RC3H2: variants seen among roughly 807,000 people sequenced by gnomAD.
RC3H2 encodes ring finger and CCCH-type domains 2, also known as roquin-2.
Under a neutral mutation model 133.3 loss-of-function variants are expected in RC3H2, and 31 were observed. That is an observed-to-expected ratio of 0.23 (90% CI 0.17 to 0.31). The LOEUF is 0.31. Ranked by LOEUF, RC3H2 falls within the 10% of genes least tolerant of loss-of-function variation. RC3H2 has a pLI of 1.00. For missense variants in RC3H2, 1,175 were observed against 1,437.2 expected (o/e 0.82, Z 2.95); for synonymous variants, 517 against 502.2 (o/e 1.03, Z -0.40).
At chr9:122,887,464 T>C (rs1195772726) in intron 4 of RC3H2, among the ~76,000 whole-genome samples, 1 of 151,986 alleles carries the variant, frequency 6.6e-6, no homozygotes, top group Non-Finnish European at 1.5e-5. Flanking sequence ...GATTATAAGC[T>C]TTTTTGCTTC....
intron 4 of RC3H2, among the ~76,000 whole-genome samples, chr9:122,884,958 A>T (rs1831843758): frequency 6.6e-6 from 1 of 152,216 alleles, no homozygotes; most frequent in South Asian, 2.1e-4. Context: ...TCCAGAATAA[A>T]GACGACTAAA....
Position 122,851,382 on chromosome 9 carries a change from C to T in RC3H2, c.3172G>A (p.Glu1058Lys), listed in dbSNP as rs1302412027. 5.6e-6 allele frequency: 9 copies of T among 1,614,174 alleles called. No individual in the cohort carries two copies. Among genetic ancestry groups the T allele is most frequent in the South Asian group, 2.2e-5 (2 of 91,080 alleles). The change falls in exon 19 of 21, where the codon GAG becomes AAG. Residue 1058 changes from glutamate to lysine, a missense_variant. Glu to Lys is a moderately conservative substitution (Grantham distance 56). This residue lies in a region of RC3H2 where 220 missense variants were observed against 201.1 expected (regional missense o/e 1.09). Transcript: ENST00000357244. The stretch of plus-strand genomic sequence containing the variant: ...GTATCAAGTGCTGAAAGCTCTAACT[C>T]GATATCCCTATCAGGTTTAGTATCT... ...ATDTKPDRDIELELSALDTDE... is the reference protein window; with the variant it reads ...ATDTKPDRDIKLELSALDTDE...
intron 4 of RC3H2, among the ~76,000 whole-genome samples, chr9:122,886,013 G>A (rs1037610868): frequency 4.6e-5 from 7 of 152,092 alleles, no homozygotes; most frequent in African/African-American, 7.2e-5. Flanking sequence ...TCAGCCTCCC[G>A]AATAGCTGGG....
intron 9 of RC3H2, chr9:122,874,165 G>C (rs773355030): frequency 3.3e-5 from 5 of 152,094 alleles, no homozygotes; most frequent in African/African-American, 4.8e-5. Context: ...ATATAGACAA[G>C]TGAAAAGAAG....
rs377000605 is a variant in RC3H2, at chr9:122,865,461, A to T, written c.1522T>A (p.Ser508Thr). The change falls in exon 10 of 21, where the codon TCA becomes ACA. Residue 508 changes from serine (S) to threonine (T), a missense_variant. Ser to Thr is a moderately conservative substitution (Grantham distance 58, BLOSUM62 1). Transcript: ENST00000357244. ...NAENSVSQLI[S>T]RSTDSTLRAL... ...CTTAAGGTACTGTCAGTACTACGTG[A>T]GATTAGCTGGGAAACACTGTTTTCT... 1 of 1,614,162 alleles carries T rather than the reference A, an allele frequency of 6.2e-7. No individual in the cohort carries two copies. The highest frequency in any genetic ancestry group is 2.2e-5 in the East Asian group (1 of 44,882).
intron 5 of RC3H2, among the ~76,000 whole-genome samples, chr9:122,882,267 C>G (rs748213376): frequency 6.6e-6 from 1 of 152,176 alleles, no homozygotes; most frequent in Non-Finnish European, 1.5e-5. Flanking sequence ...AATTGTTGCC[C>G]TAAGAGCATG....
intron 4 of RC3H2, among the ~76,000 whole-genome samples, chr9:122,885,913 A>G (rs1276454196): frequency 6.6e-6 from 1 of 152,122 alleles, no homozygotes; most frequent in African/African-American, 2.4e-5. Flanking sequence ...TTTGAGACAA[A>G]GTCTTGCTCT....
At chr9:122,852,259 G>C (rs376168225) in intron 18 of RC3H2, among the ~76,000 whole-genome samples, 3 of 148,108 alleles carry the variant, frequency 2.0e-5, no homozygotes, top group African/African-American at 5.1e-5. Context: ...CCCTCCGCCC[G>C]GCAGCCGCCC....
At position 122,897,377 on chromosome 9, in the gene RC3H2, G is replaced by A. The variant is rs759970472; in HGVS notation, c.133C>T (p.Leu45Phe). Reference protein sequence around the residue: ...HTVCKTCLNKLHRKACPFDQT... With the variant: ...HTVCKTCLNKFHRKACPFDQT... ...TCAAAAGGACAAGCTTTTCGATGAAGTTTATTCAAGCAGGTCTTGCAAACA... is the reference window on the plus strand; with the variant it reads ...TCAAAAGGACAAGCTTTTCGATGAAATTTATTCAAGCAGGTCTTGCAAACA... The change falls in exon 2 of 21, where the codon CTT (leucine) becomes TTT (phenylalanine). Residue 45 changes from leucine to phenylalanine, a missense_variant. Leu to Phe is a conservative substitution (Grantham distance 22). This residue lies in a region of RC3H2 where 41 missense variants were observed against 88.0 expected (regional missense o/e 0.47). Coordinates refer to ENST00000357244, the MANE Select transcript of RC3H2 (RefSeq NM_001100588.3). 3.1e-6 allele frequency: 5 copies of A among 1,614,084 alleles called. No individual in the cohort carries two copies. In the Admixed American group the frequency reaches 8.3e-5, roughly 27 times the overall value.
intron 1 of RC3H2, among the ~76,000 whole-genome samples, chr9:122,901,586 CTTTT>C (rs11309716): frequency 1.7e-5 from 2 of 120,010 alleles, no homozygotes; most frequent in African/African-American, 3.3e-5. Flanking sequence ...CCAATGCATT[CTTTT>C]TTTTTTTTTT....
intron 1 of RC3H2, among the ~76,000 whole-genome samples, chr9:122,903,369 G>A (rs1360778482): frequency 6.6e-6 from 1 of 152,068 alleles, no homozygotes; most frequent in African/African-American, 2.4e-5. Flanking sequence ...TTTTTTTAGC[G>A]TTCTTAGCTA....
intron 3 of RC3H2, among the ~76,000 whole-genome samples, chr9:122,892,518 T>A (rs1044421373): frequency 1.3e-5 from 2 of 152,084 alleles, no homozygotes; most frequent in Non-Finnish European, 2.9e-5. Flanking sequence ...TTCACGCCAT[T>A]CTCCTGCCTC....
chr9:122,885,556 A>G (rs1374980857), intron 4 of RC3H2, among the ~76,000 whole-genome samples: 1 of 152,180 alleles, frequency 6.6e-6, no homozygotes, highest in South Asian at 2.1e-4. Flanking sequence ...AAAAACCACA[A>G]TTACTTTTGC....
At chr9:122,902,499 G>A (rs1313686882) in intron 1 of RC3H2, among the ~76,000 whole-genome samples, 1 of 152,140 alleles carries the variant, frequency 6.6e-6, no homozygotes, top group Non-Finnish European at 1.5e-5. Context: ...ATAGAAATAT[G>A]TGAGCCATTA....
intron 9 of RC3H2, among the ~76,000 whole-genome samples, chr9:122,873,029 C>T (rs911866117): frequency 1.3e-4 from 20 of 152,104 alleles, no homozygotes; most frequent in Admixed American, 5.9e-4. Context: ...TTTATGTTTA[C>T]ATATAATAAA....
intron 12 of RC3H2, 129 bp from the exon 13 acceptor site, chr9:122,858,222 G>A (rs1588057479): frequency 1.3e-6 from 1 of 792,566 alleles, no homozygotes. Context: ...AGTCACCCTA[G>A]TCTATTCTCC....
rs1829892159 is a variant in RC3H2, at chr9:122,847,322, G to A, written c.*2305C>T. 6.6e-6 allele frequency: 1 copy of A among 152,092 alleles called. No individual in the cohort carries two copies. Among genetic ancestry groups the A allele is most frequent in the African/African-American group, 2.4e-5 (1 of 41,430 alleles). 9.4% of individuals were successfully genotyped at this position (152,092 alleles called of 1,614,324 possible). A position where few individuals can be genotyped will look rare whatever the true frequency, so the allele number is the denominator to read the frequency against. On this transcript the variant is annotated 3_prime_UTR_variant, in exon 21 of 21. Transcript: ENST00000357244. ...ATATTCACCCTCAGAACGTGCTGAA[G>A]ATGTTTTGTGTAGTTCTGTTGCACA...
chr9:122,863,660 T>C (rs1023886704), intron 10 of RC3H2, among the ~76,000 whole-genome samples: 1 of 152,160 alleles, frequency 6.6e-6, no homozygotes, highest in Non-Finnish European at 1.5e-5. Flanking sequence ...CAAGATTGAG[T>C]GCATAAATAA....
rs1829933721 is a variant in RC3H2 at position 122,849,296 on chromosome 9, G to A, written c.*331C>T. The A allele has an allele frequency of 6.6e-6, 1 of 152,106 alleles. No individual in the cohort carries two copies. The highest frequency in any genetic ancestry group is 2.4e-5 in the African/African-American group (1 of 41,374). The allele number at this position is 152,106 out of a possible 1,614,324, so 9.4% of individuals were successfully genotyped here. A position where few individuals can be genotyped will look rare whatever the true frequency, so the allele number is the denominator to read the frequency against. On this transcript the variant is annotated 3_prime_UTR_variant, in exon 21 of 21. Transcript: ENST00000357244. ...ATAACTGAGTTGTTAATTTTCTATA[G>A]AAGCCATTTAAAATAGGAAATGGCT...
Sources: gnomAD v4.1 joint callset for allele counts (sites outside exome capture counted in the v4.1 genomes callset) on GRCh38, gnomAD v4.1.1 for gene constraint, gnomAD v4.1.1 regional missense constraint, MANE v1.5 for transcripts, NCBI Gene and HGNC (gene_info 2026-07-23, HGNC 2026-07-21) for gene names.